Variants in ZSCAN30 observed in about 807,000 individuals in gnomAD.
The protein encoded by ZSCAN30 is zinc finger and SCAN domain containing 30.
Under a neutral mutation model 44.3 loss-of-function variants are expected in ZSCAN30, and 37 were observed. The observed-to-expected ratio is 0.84, with a 90% CI of 0.64 to 1.10. The LOEUF is 1.10. Among genes scored for constraint, ZSCAN30 ranks in the 50% least tolerant of loss-of-function variants. The pLI, the probability that ZSCAN30 is intolerant of heterozygous loss-of-function variation, is 0.00. For synonymous variants in ZSCAN30, 181 were observed against 204.6 expected (o/e 0.88, Z 0.98); for missense variants, 549 against 582.6 (o/e 0.94, Z 0.59).
At chr18:35,267,520 G>A (rs935907991) in intron 1 of ZSCAN30, 1 of 152,124 alleles carries the variant, frequency 6.6e-6, no homozygotes, top group African/African-American at 2.4e-5. Flanking sequence ...CCGGGAGCGA[G>A]AACAATGCCC....
intron 1 of ZSCAN30, among the ~76,000 whole-genome samples, chr18:35,264,831 A>T (rs1035275477): frequency 2.0e-5 from 3 of 152,096 alleles, no homozygotes; most frequent in African/African-American, 7.2e-5. Flanking sequence ...TTTCCTAACA[A>T]CTCTATAAGG....
At chr18:35,271,761 G>A (rs181869768) in intron 1 of ZSCAN30, among the ~76,000 whole-genome samples, 220 of 152,350 alleles carry the variant, frequency 1.4e-3, no homozygotes, top group African/African-American at 5.1e-3. Context: ...GAGGGGGGGC[G>A]CTTGGGCATG....
chr18:35,267,667 A>G (rs979503671), intron 1 of ZSCAN30: 1 of 152,160 alleles, frequency 6.6e-6, no homozygotes, highest in African/African-American at 2.4e-5. Context: ...GCAGAGTACA[A>G]GCGGTTGACG....
chr18:35,287,971 C>G (rs1479351973), intron 1 of ZSCAN30, among the ~76,000 whole-genome samples: 1 of 151,484 alleles, frequency 6.6e-6, no homozygotes, highest in Non-Finnish European at 1.5e-5. Context: ...CTTCCAGGCT[C>G]AAGCAATCCT....
intron 1 of ZSCAN30, chr18:35,269,250 TATC>T (rs1011725615): frequency 6.6e-6 from 1 of 152,250 alleles, no homozygotes; most frequent in African/African-American, 2.4e-5. Context: ...AGAGTAATGC[TATC>T]TTGAAGTGAA....
chr18:35,252,501 A>G lies in ZSCAN30; in HGVS notation c.*949T>C, dbSNP rs956801447. 1 of 152,092 alleles carries G rather than the reference A, an allele frequency of 6.6e-6. No homozygotes were observed. Among genetic ancestry groups the G allele is most frequent in the Non-Finnish European group, 1.5e-5 (1 of 68,018 alleles). The allele number at this position is 152,092 out of a possible 1,614,324, so 9.4% of individuals were successfully genotyped here. A position where few individuals can be genotyped will look rare whatever the true frequency, so the allele number is the denominator to read the frequency against. On this transcript the variant is annotated 3_prime_UTR_variant, in exon 4 of 4. Transcript: ENST00000333206. Reference sequence around the variant, plus strand: ...AATATTTGTTGAATTACTCCTTCAGATTCATTTTTTTAAAAATTAGGTCTA... The same window carrying G: ...AATATTTGTTGAATTACTCCTTCAGGTTCATTTTTTTAAAAATTAGGTCTA...
intron 1 of ZSCAN30, among the ~76,000 whole-genome samples, chr18:35,270,917 G>A (rs920645477): frequency 6.6e-6 from 1 of 152,220 alleles, no homozygotes; most frequent in Non-Finnish European, 1.5e-5. Context: ...CTTCAGGAGT[G>A]AAGCTGCAGA....
Position 35,274,074 on chromosome 18 carries a change from G to A in ZSCAN30, c.-103-9619C>T, listed in dbSNP as rs190315182. Among the ~76,000 whole-genome samples the A allele has an allele frequency of 4.4e-3, 670 of 152,176 alleles. 4 individuals are homozygous for A. Among genetic ancestry groups the A allele is most frequent in the Middle Eastern group, 0.027 (8 of 294 alleles). Reference sequence around the variant, plus strand: ...GCTGTTGCTCAGGCTGGAGTGCAGTGGTGCGATCTCGGCTCACTGCAAGCT... The same window carrying A: ...GCTGTTGCTCAGGCTGGAGTGCAGTAGTGCGATCTCGGCTCACTGCAAGCT... On this transcript the variant is annotated intron_variant, in intron 1 of 3. Transcript: ENST00000333206.
Position 35,254,287 on chromosome 18 carries a change from A to C in ZSCAN30, c.648T>G (p.Pro216=). 1.2e-6 allele frequency: 2 copies of C among 1,614,132 alleles called. No homozygotes were observed. Among genetic ancestry groups the C allele is most frequent in the Non-Finnish European group, 1.7e-6 (2 of 1,179,972 alleles). Residue 216 remains proline, a synonymous_variant, in exon 4 of 4, where the codon CCT becomes CCG. Coordinates refer to ENST00000333206, the MANE Select transcript of ZSCAN30 (RefSeq NM_001112734.4). ...CTATCCGTTGGGAATGTGTTTCTCC[A>C]GGAAGTTTTCCCGGCGATATCATAG... is the stretch of plus-strand genomic sequence containing the variant. The part of the protein sequence containing the change: ...SAAMISPGKL[P]GETHSQRIAE...
rs2043663466 is a variant in ZSCAN30 at position 35,253,393 on chromosome 18, C to G, written c.*57G>C. ...AGGAAACTTTTCTTTTCTGTGGAGT[C>G]TCACCCCTACAGTGAACTCCTTGCA... is the stretch of plus-strand genomic sequence containing the variant. On this transcript the variant is annotated 3_prime_UTR_variant, in exon 4 of 4. Transcript: ENST00000333206. The G allele has an allele frequency of 7.6e-6, 11 of 1,443,984 alleles. No individual in the cohort carries two copies. Among genetic ancestry groups the G allele is most frequent in the Middle Eastern group, 1.8e-4 (1 of 5,480 alleles). 89.4% of individuals were successfully genotyped at this position (1,443,984 alleles called of 1,614,324 possible).
chr18:35,271,343 G>C (rs2044270387), intron 1 of ZSCAN30, among the ~76,000 whole-genome samples: 1 of 152,152 alleles, frequency 6.6e-6, no homozygotes, highest in African/African-American at 2.4e-5. Flanking sequence ...GCTAGACACA[G>C]AGTGCTGATT....
chr18:35,272,172 C>T (rs955486606), intron 1 of ZSCAN30, among the ~76,000 whole-genome samples: 2 of 152,178 alleles, frequency 1.3e-5, no homozygotes, highest in African/African-American at 4.8e-5. Flanking sequence ...AGCCCGTTGT[C>T]ACCTCTCACT....
intron 3 of ZSCAN30, chr18:35,254,734 A>G (rs1301884609): frequency 1.2e-5 from 4 of 330,260 alleles, no homozygotes; most frequent in Non-Finnish European, 2.3e-5. Flanking sequence ...GATAATCAGG[A>G]AAAAAAAGTT....
At chr18:35,255,704 A>T (rs1025231817) in intron 3 of ZSCAN30, 2 of 154,374 alleles carry the variant, frequency 1.3e-5, no homozygotes, top group Non-Finnish European at 2.9e-5. Flanking sequence ...ACCACAATTG[A>T]TACCTGATCA....
intron 3 of ZSCAN30, chr18:35,262,512 G>A (rs2044047500): frequency 6.6e-6 from 1 of 152,192 alleles, no homozygotes; most frequent in Admixed American, 6.5e-5. Flanking sequence ...ATCAATAGAG[G>A]GGGTTGCAGA....
chr18:35,262,035 G>A (rs11081892), intron 3 of ZSCAN30: 61,239 of 151,934 alleles, frequency 0.4, 12,924 homozygotes, highest in South Asian at 0.48. Flanking sequence ...GAACTGCCGA[G>A]GTCCAGGGTC....
intron 1 of ZSCAN30, among the ~76,000 whole-genome samples, chr18:35,287,166 A>C (rs2044566938): frequency 6.6e-6 from 1 of 152,168 alleles, no homozygotes. Context: ...ATTAAGGAAG[A>C]CCTAAATAAA....
chr18:35,278,116 C>T (rs528799625), intron 1 of ZSCAN30, among the ~76,000 whole-genome samples: 5 of 151,834 alleles, frequency 3.3e-5, no homozygotes, highest in Non-Finnish European at 7.4e-5. Flanking sequence ...ATTTAATTTC[C>T]AAATATTTGT....
intron 1 of ZSCAN30, among the ~76,000 whole-genome samples, chr18:35,277,504 G>A (rs1246334918): frequency 1.3e-5 from 2 of 152,156 alleles, no homozygotes; most frequent in Non-Finnish European, 2.9e-5. Flanking sequence ...TTATGACAGT[G>A]AGTTCTCATG....
Sources: gnomAD v4.1 joint callset for allele counts (sites outside exome capture counted in the v4.1 genomes callset) on GRCh38, gnomAD v4.1.1 for gene constraint, MANE v1.5 for transcripts, NCBI Gene and HGNC (gene_info 2026-07-23, HGNC 2026-07-21) for gene names.